Variants in PPARGC1A observed in about 807,000 individuals in gnomAD.
PPARGC1A encodes peroxisome proliferator-activated receptor gamma coactivator 1-alpha.
Under a neutral mutation model 88.7 loss-of-function variants are expected in PPARGC1A, and 25 were observed. The ratio of observed to expected loss-of-function variants is 0.28; its 90% CI spans 0.21 to 0.39. PPARGC1A has a LOEUF of 0.39. Ranked by LOEUF, PPARGC1A falls within the 10% of genes least tolerant of loss-of-function variation. The probability of loss-of-function intolerance (pLI) is 1.00; values close to 1 mark genes in which losing one functional copy is unlikely to be tolerated. For synonymous variants in PPARGC1A, 363 were observed against 355.6 expected (o/e 1.02, Z -0.24); for missense variants, 880 against 968.7 (o/e 0.91, Z 1.22).
At chr4:24,250,601 C>CAAAAGAAGAG in the PPARGC1A span, among the ~76,000 whole-genome samples, 1 of 151,686 alleles carries the variant, frequency 6.6e-6, no homozygotes. Context: ...TGGGAAGAGG[C>CAAAAGAAGAG]AAAAGAAGAG....
the PPARGC1A span, among the ~76,000 whole-genome samples, chr4:24,241,534 A>G: frequency 6.6e-6 from 1 of 152,232 alleles, no homozygotes; most frequent in Admixed American, 6.5e-5. Context: ...CTTTGGACTC[A>G]CAATGTGTTT....
the PPARGC1A span, among the ~76,000 whole-genome samples, chr4:24,433,949 T>C: frequency 2.0e-5 from 3 of 152,188 alleles, no homozygotes; most frequent in Non-Finnish European, 4.4e-5. Context: ...GCCGCCATAA[T>C]GACTGCTTTT....
the PPARGC1A span, among the ~76,000 whole-genome samples, chr4:24,220,090 A>C: frequency 2.6e-5 from 4 of 152,246 alleles, no homozygotes; most frequent in Admixed American, 2.6e-4. Context: ...TCTCAAAAGA[A>C]GACATACGAG....
chr4:23,837,518 A>G (rs981798363), intron 2 of PPARGC1A, among the ~76,000 whole-genome samples: 2 of 152,124 alleles, frequency 1.3e-5, no homozygotes, highest in African/African-American at 2.4e-5. Flanking sequence ...AGGATCTACC[A>G]CAGACGTTTA....
the PPARGC1A span, among the ~76,000 whole-genome samples, chr4:24,455,908 T>C: frequency 8.5e-5 from 13 of 152,240 alleles, no homozygotes; most frequent in African/African-American, 2.7e-4. Flanking sequence ...TGTGGTATTC[T>C]GTTATAGCAA....
chr4:23,894,615 C>G (rs1041844224), upstream of PPARGC1A, among the ~76,000 whole-genome samples: 2 of 152,122 alleles, frequency 1.3e-5, no homozygotes, highest in African/African-American at 4.8e-5. Flanking sequence ...CATCTCTCAT[C>G]TCCAGTAAAA....
At chr4:24,097,315 C>T in the PPARGC1A span, among the ~76,000 whole-genome samples, 1 of 152,024 alleles carries the variant, frequency 6.6e-6, no homozygotes, top group Non-Finnish European at 1.5e-5. Context: ...AATTAAGTTC[C>T]GAGCCAAGGA....
chr4:23,869,858 G>T (rs1485632222), intron 2 of PPARGC1A, among the ~76,000 whole-genome samples: 1 of 152,160 alleles, frequency 6.6e-6, no homozygotes, highest in African/African-American at 2.4e-5. Flanking sequence ...GTGGGAAATT[G>T]CTTACTTAAC....
the PPARGC1A span, among the ~76,000 whole-genome samples, chr4:23,940,608 G>C: frequency 1.3e-5 from 2 of 152,138 alleles, no homozygotes; most frequent in Non-Finnish European, 2.9e-5. Context: ...AATATCAAAT[G>C]AACAGTAATT....
intron 7 of PPARGC1A, among the ~76,000 whole-genome samples, chr4:23,817,270 G>C (rs1039184067): frequency 6.6e-5 from 10 of 151,974 alleles, no homozygotes; most frequent in Non-Finnish European, 2.9e-5. Flanking sequence ...GCTCATTATC[G>C]CTTAAATAAC....
intron 5 of PPARGC1A, among the ~76,000 whole-genome samples, chr4:23,825,934 C>T (rs1723853713): frequency 6.6e-6 from 1 of 152,066 alleles, no homozygotes; most frequent in African/African-American, 2.4e-5. Context: ...TTTTATGATA[C>T]TCAACTAATA....
chr4:23,832,346 T>C (rs1049663386), intron 2 of PPARGC1A, among the ~76,000 whole-genome samples: 1 of 152,196 alleles, frequency 6.6e-6, no homozygotes, highest in African/African-American at 2.4e-5. Context: ...AATCTCGAAC[T>C]GCCTACTGGA....
the PPARGC1A span, among the ~76,000 whole-genome samples, chr4:24,376,335 G>A: frequency 6.6e-6 from 1 of 152,190 alleles, no homozygotes; most frequent in Non-Finnish European, 1.5e-5. Flanking sequence ...CCTGTAGGGG[G>A]TGAAGAGGAG....
At chr4:23,943,093 C>T in the PPARGC1A span, among the ~76,000 whole-genome samples, 1 of 152,080 alleles carries the variant, frequency 6.6e-6, no homozygotes, top group Non-Finnish European at 1.5e-5. Context: ...TTTACGTACT[C>T]AGTTCATAGC....
chr4:24,220,874 A>T, the PPARGC1A span, among the ~76,000 whole-genome samples: 55 of 152,334 alleles, frequency 3.6e-4, no homozygotes, highest in Middle Eastern at 3.4e-3. Context: ...ATCTAAAAAA[A>T]GAAAAGGAAA....
chr4:24,201,349 A>T, the PPARGC1A span, among the ~76,000 whole-genome samples: 13 of 152,202 alleles, frequency 8.5e-5, no homozygotes, highest in Non-Finnish European at 1.9e-4. Context: ...GCCAACCCTC[A>T]CCCCCACTAA....
Position 23,814,390 on chromosome 4 carries a change from T to G in PPARGC1A, c.1093A>C (p.Thr365Pro), listed in dbSNP as rs750128657. The G allele has an allele frequency of 6.2e-7, 1 of 1,613,722 alleles. No individual in the cohort carries two copies. The highest frequency in any genetic ancestry group is 8.5e-7 in the Non-Finnish European group (1 of 1,179,936). ...YAQLSKSSVL[T>P]GGHEERKTKR... ...GTCTTCCTTTCCTCGTGTCCACCAG[T>G]GAGGACTGAGGACTTGCTGAGTTGT... Residue 365 changes from threonine (T) to proline (P), a missense_variant, in exon 8 of 13, where the codon ACT becomes CCT. Physicochemically the swap from Thr to Pro is conservative, Grantham distance 38 (BLOSUM62 -1). Coordinates refer to ENST00000264867, the MANE Select transcript of PPARGC1A (RefSeq NM_013261.5).
At chr4:24,250,512 T>C in the PPARGC1A span, among the ~76,000 whole-genome samples, 2 of 152,226 alleles carry the variant, frequency 1.3e-5, no homozygotes, top group African/African-American at 4.8e-5. Context: ...CTTTTTCCCA[T>C]TGATTTGCAA....
At chr4:23,798,837 C>A (rs1023379235) in intron 12 of PPARGC1A, among the ~76,000 whole-genome samples, 2 of 152,106 alleles carry the variant, frequency 1.3e-5, no homozygotes, top group African/African-American at 4.8e-5. Context: ...ACTGTTTTAA[C>A]CTTGATCAAG....
Sources: gnomAD v4.1 joint callset for allele counts (sites outside exome capture counted in the v4.1 genomes callset) on GRCh38, gnomAD v4.1.1 for gene constraint, MANE v1.5 for transcripts, NCBI Gene and HGNC (gene_info 2026-07-23, HGNC 2026-07-21) for gene names.